MS4A3: variants seen among roughly 807,000 people sequenced by gnomAD.
The protein encoded by MS4A3 is membrane-spanning 4-domains subfamily A member 3.
MS4A3 carries 18 observed loss-of-function variants against 24.7 expected under a neutral mutation model. The observed-to-expected ratio is 0.73, with a 90% CI of 0.50 to 1.08. MS4A3 has a LOEUF of 1.08. Ranked by LOEUF, MS4A3 falls within the 50% of genes least tolerant of loss-of-function variation. The probability of loss-of-function intolerance (pLI) is 0.00; values close to 1 mark genes in which losing one functional copy is unlikely to be tolerated. For synonymous variants in MS4A3, 84 were observed against 95.3 expected (o/e 0.88, Z 0.69); for missense variants, 282 against 251.7 (o/e 1.12, Z -0.82).
intron 3 of MS4A3, among the ~76,000 whole-genome samples, chr11:60,064,030 A>T (rs1004956820): frequency 6.6e-5 from 10 of 151,428 alleles, no homozygotes; most frequent in East Asian, 1.9e-4. Flanking sequence ...AAAAAAATTT[A>T]AAAAATAAAA....
chr11:60,069,192 G>A (rs1258115016), intron 5 of MS4A3, among the ~76,000 whole-genome samples: 2 of 152,110 alleles, frequency 1.3e-5, no homozygotes, highest in Admixed American at 6.5e-5. Context: ...CCCCTATGAA[G>A]TGCTAATGAA....
intron 5 of MS4A3, 181 bp from the exon 6 acceptor site, chr11:60,069,393 A>C (rs2134670701): frequency 2.2e-6 from 1 of 464,528 alleles, no homozygotes; most frequent in South Asian, 3.7e-5. Context: ...AAATGTTTTC[A>C]TGCTTTTAGA....
intron 4 of MS4A3, among the ~76,000 whole-genome samples, chr11:60,064,943 G>A (rs974878672): frequency 6.6e-6 from 1 of 152,080 alleles, no homozygotes; most frequent in Non-Finnish European, 1.5e-5. Flanking sequence ...CTTACCATAG[G>A]AAAATTTTGT....
At chr11:60,057,639 T>C (rs1286279) in intron 1 of MS4A3, among the ~76,000 whole-genome samples, 117,073 of 152,000 alleles carry the variant, frequency 0.77, 45,297 homozygotes, top group East Asian at 0.9. Context: ...CTCCTGACCT[T>C]GAGATCCTCC....
At chr11:60,057,766 G>A (rs137879591) in intron 1 of MS4A3, among the ~76,000 whole-genome samples, 83 of 152,196 alleles carry the variant, frequency 5.5e-4, no homozygotes, top group African/African-American at 2.0e-3. Flanking sequence ...AACATAGTTT[G>A]TTTCACCTGG....
rs1314758330 is a variant in MS4A3, at chr11:60,061,237, C to G, written c.77C>G (p.Pro26Arg). 1 of 1,613,680 alleles carries G rather than the reference C, an allele frequency of 6.2e-7. No individual in the cohort carries two copies. Among genetic ancestry groups the G allele is most frequent in the Non-Finnish European group, 8.5e-7 (1 of 1,179,828 alleles). ...AHGTPGSEAG[P>R]EELNTSVYQP... Reference sequence around the variant, plus strand: ...GGTACCCCAGGCAGTGAGGCGGGACCAGAAGAGCTGAATACTTCTGTCTAC... The same window carrying G: ...GGTACCCCAGGCAGTGAGGCGGGACGAGAAGAGCTGAATACTTCTGTCTAC... The change falls in exon 2 of 7, where the codon CCA (proline) becomes CGA (arginine). Residue 26 changes from proline (P) to arginine (R), a missense_variant. Physicochemically the swap from Pro to Arg is moderately radical, Grantham distance 103. Coordinates refer to ENST00000278865, the MANE Select transcript of MS4A3 (RefSeq NM_006138.5).
intron 4 of MS4A3, among the ~76,000 whole-genome samples, chr11:60,066,483 A>T (rs1271853520): frequency 2.6e-5 from 4 of 152,012 alleles, no homozygotes; most frequent in African/African-American, 9.7e-5. Flanking sequence ...CGTGCCTCCA[A>T]CGCCCTTGAC....
At chr11:60,060,362 A>G (rs1257250778) in intron 1 of MS4A3, among the ~76,000 whole-genome samples, 1 of 152,140 alleles carries the variant, frequency 6.6e-6, no homozygotes, top group Non-Finnish European at 1.5e-5. Flanking sequence ...TTTGAATTGG[A>G]ATCTTCCATA....
Position 60,064,243 on chromosome 11 carries a change from C to A in MS4A3, c.295-19C>A, listed in dbSNP as rs1151065. On this transcript the variant is annotated intron_variant, in intron 3 of 6. Coordinates refer to ENST00000278865, the MANE Select transcript of MS4A3 (RefSeq NM_006138.5). ...GACTTAATATTCCTTTATCTGTTTT[C>A]CTTCCTATTTTCAAACAGTTCTGTA... The A allele has an allele frequency of 0.28, 446,434 of 1,578,982 alleles. 67,055 individuals carry two copies. Among genetic ancestry groups the A allele is most frequent in the South Asian group, 0.49 (42,055 of 86,302 alleles).
At chr11:60,057,474 G>A (rs766402168) in intron 1 of MS4A3, among the ~76,000 whole-genome samples, 1 of 151,952 alleles carries the variant, frequency 6.6e-6, no homozygotes, top group African/African-American at 2.4e-5. Context: ...GCACGATTTC[G>A]GCTCACTGCA....
Position 60,070,316 on chromosome 11 carries a change from G to T in MS4A3, c.*83G>T. The T allele has an allele frequency of 1.8e-6, 2 of 1,141,596 alleles. No individual in the cohort carries two copies. Among genetic ancestry groups the T allele is most frequent in the Non-Finnish European group, 2.6e-6 (2 of 760,532 alleles). The allele number at this position is 1,141,596 out of a possible 1,614,324, so 70.7% of individuals were successfully genotyped here. ...CTCAGAGCTTCACCCACAAACTCAG[G>T]AGAACATAAGCCTGCTCGTAAAGCT... On this transcript the variant is annotated 3_prime_UTR_variant, in exon 7 of 7. Transcript: ENST00000278865.
chr11:60,059,911 T>A (rs1226343142), intron 1 of MS4A3, among the ~76,000 whole-genome samples: 1 of 152,198 alleles, frequency 6.6e-6, no homozygotes, highest in Non-Finnish European at 1.5e-5. Context: ...TCGATAGTTA[T>A]GGCAGAATAC....
In MS4A3 at chr11:60,061,425, C is replaced by T. The variant is rs577703016; in HGVS notation, c.156+109C>T. 3.9e-5 allele frequency: 52 copies of T among 1,327,964 alleles called. 2 individuals carry two copies. The East Asian group carries it at 1.2e-3, about 31-fold the overall frequency. The allele number at this position is 1,327,964 out of a possible 1,614,324, so 82.3% of individuals were successfully genotyped here. A position where few individuals can be genotyped will look rare whatever the true frequency, so the allele number is the denominator to read the frequency against. On this transcript the variant is annotated intron_variant, in intron 2 of 6. Transcript: ENST00000278865. ...TGAGGATTCCCTTACATGTGGATTT[C>T]TTCCACCTCTGTTTGCCATCCCGAG...
At chr11:60,063,075 A>G (rs1031827168) in intron 3 of MS4A3, among the ~76,000 whole-genome samples, 5 of 152,206 alleles carry the variant, frequency 3.3e-5, no homozygotes, top group Non-Finnish European at 5.9e-5. Flanking sequence ...TGGAATTGCC[A>G]GGCATGAGCC....
At chr11:60,058,418 C>T (rs1427868741) in intron 1 of MS4A3, among the ~76,000 whole-genome samples, 1 of 138,966 alleles carries the variant, frequency 7.2e-6, no homozygotes, top group Non-Finnish European at 1.5e-5. Flanking sequence ...GAGGCAGGAT[C>T]ATAGCTTGAG....
At chr11:60,069,999 A>G (rs1240757863) in intron 6 of MS4A3, among the ~76,000 whole-genome samples, 1 of 152,214 alleles carries the variant, frequency 6.6e-6, no homozygotes, top group Non-Finnish European at 1.5e-5. Context: ...AATTTTAGAT[A>G]TATTAACTGT....
In MS4A3 at chr11:60,061,448, G is replaced by A. The variant is rs137999127; in HGVS notation, c.156+132G>A. ...TTCTTCCACCTCTGTTTGCCATCCC[G>A]AGACAGCAAGAACAACCCCTGCTCT... is the stretch of plus-strand genomic sequence containing the variant. On this transcript the variant is annotated intron_variant, in intron 2 of 6. Transcript: ENST00000278865. The A allele has an allele frequency of 9.1e-4, 973 of 1,069,712 alleles. 8 individuals are homozygous for A. In the African/African-American group the frequency reaches 0.014, roughly 15 times the overall value. The allele number at this position is 1,069,712 out of a possible 1,614,324, so 66.3% of individuals were successfully genotyped here.
chr11:60,060,432 A>G (rs1855253278), intron 1 of MS4A3, among the ~76,000 whole-genome samples: 1 of 152,140 alleles, frequency 6.6e-6, no homozygotes, highest in Non-Finnish European at 1.5e-5. Context: ...GTAAATGATG[A>G]AATCTGGATT....
Position 60,069,571 on chromosome 11 carries a change from T to A in MS4A3, c.514-3T>A. 1 of 1,605,328 alleles carries A rather than the reference T, an allele frequency of 6.2e-7. No homozygotes were observed. Among genetic ancestry groups the A allele is most frequent in the Non-Finnish European group, 8.5e-7 (1 of 1,172,634 alleles). Reference sequence around the variant, plus strand: ...GTTTGATATAAGGCATCATATCCCCTAGGGCATGGTGTCTCTACTGCTGAT... The same window carrying A: ...GTTTGATATAAGGCATCATATCCCCAAGGGCATGGTGTCTCTACTGCTGAT... On this transcript the variant is annotated splice_region_variant and splice_polypyrimidine_tract_variant and intron_variant, in intron 5 of 6. Coordinates refer to ENST00000278865, the MANE Select transcript of MS4A3 (RefSeq NM_006138.5).
Sources: allele counts gnomAD v4.1 joint callset (sites outside exome capture counted in the v4.1 genomes callset), GRCh38; gene constraint gnomAD v4.1.1; transcripts MANE v1.5; gene names NCBI Gene and HGNC (gene_info 2026-07-23, HGNC 2026-07-21).